The following EXOC4 variants were observed in gnomAD, a reference collection of about 807,000 sequenced individuals.
The protein encoded by EXOC4 is SEC8-like 1.
A neutral mutation model predicts 107.2 loss-of-function variants in EXOC4; 71 were observed. That is an observed-to-expected ratio of 0.66 (90% confidence interval 0.55 to 0.81). The LOEUF is 0.81. Ranked by LOEUF, EXOC4 falls within the 30% of genes least tolerant of loss-of-function variation. The pLI is 0.00. For missense variants in EXOC4, 1,108 were observed against 1,189.6 expected, an observed-to-expected ratio of 0.93 and a Z score of 1.01; for synonymous variants, 456 against 441.2, an observed-to-expected ratio of 1.03 and a Z score of -0.42.
At chr7:133,705,996 A>G (rs1469786057) in intron 10 of EXOC4, among the ~76,000 whole-genome samples, 1 of 152,244 alleles carries the variant, frequency 6.6e-6, no homozygotes, top group African/African-American at 2.4e-5. Flanking sequence ...CTTCGTTTCT[A>G]CTAGAAGCAG....
intron 14 of EXOC4, among the ~76,000 whole-genome samples, chr7:133,978,702 G>T (rs1484912873): frequency 9.9e-5 from 15 of 152,236 alleles, no homozygotes; most frequent in Non-Finnish European, 2.1e-4. Context: ...CCTTCCTGCT[G>T]CGAGGAAGCA....
intron 10 of EXOC4, among the ~76,000 whole-genome samples, chr7:133,798,851 T>C (rs1365761840): frequency 1.3e-5 from 2 of 151,982 alleles, no homozygotes; most frequent in East Asian, 3.9e-4. Context: ...AAAATATAGT[T>C]GGGGAGAGAT....
In EXOC4 at chr7:133,482,685, A is replaced by G. The variant is rs1799184664; in HGVS notation, c.1417+2547A>G. 3.9e-5 allele frequency among the ~76,000 whole-genome samples: 6 copies of G among 152,154 alleles called. No homozygotes were observed. In the South Asian group the frequency reaches 1.2e-3, roughly 32 times the overall value. On this transcript the variant is annotated intron_variant, in intron 9 of 17. Transcript: ENST00000253861. ...TCTTTTTCCTTTTCTCTAAATGGGA[A>G]TAAAAGTAACACTCCCTACTCCATG...
chr7:133,520,909 T>C (rs6977732), intron 9 of EXOC4, among the ~76,000 whole-genome samples: 151,424 of 152,276 alleles, frequency 0.99, 75,299 homozygotes, highest in Middle Eastern at 1. Flanking sequence ...AGGATGCTTT[T>C]AGATAGCACC....
At chr7:133,324,574 A>G (rs907871119) in intron 5 of EXOC4, among the ~76,000 whole-genome samples, 1 of 152,100 alleles carries the variant, frequency 6.6e-6, no homozygotes, top group African/African-American at 2.4e-5. Context: ...TGTCTGAGAG[A>G]CAGTTTGTTG....
At chr7:133,365,572 C>A (rs1796232683) in intron 6 of EXOC4, among the ~76,000 whole-genome samples, 1 of 152,132 alleles carries the variant, frequency 6.6e-6, no homozygotes, top group Non-Finnish European at 1.5e-5. Flanking sequence ...GTGTTTCATT[C>A]TATATTACTA....
At chr7:133,793,198 A>G (rs1399108392) in intron 10 of EXOC4, among the ~76,000 whole-genome samples, 6 of 152,206 alleles carry the variant, frequency 3.9e-5, no homozygotes, top group African/African-American at 7.2e-5. Flanking sequence ...AACTCCTTTT[A>G]TCTTCATCAA....
chr7:133,606,869 G>C (rs1219038844), intron 9 of EXOC4, among the ~76,000 whole-genome samples: 87 of 152,064 alleles, frequency 5.7e-4, no homozygotes, highest in Non-Finnish European at 2.9e-5. Flanking sequence ...TGTGATAGGT[G>C]TCTTCCTTGT....
chr7:133,835,808 A>C (rs2151243222), intron 11 of EXOC4, among the ~76,000 whole-genome samples: 1 of 152,336 alleles, frequency 6.6e-6, no homozygotes, highest in Admixed American at 6.5e-5. Context: ...ATTTTATAGA[A>C]ATCATCATAA....
chr7:134,098,164 G>A, the EXOC4 span, among the ~76,000 whole-genome samples: 1 of 152,150 alleles, frequency 6.6e-6, no homozygotes, highest in Non-Finnish European at 1.5e-5. Flanking sequence ...TGGATGTCGG[G>A]CAGCTGAAGG....
At chr7:133,268,530 A>G (rs1019989144) in intron 1 of EXOC4, among the ~76,000 whole-genome samples, 1 of 152,164 alleles carries the variant, frequency 6.6e-6, no homozygotes, top group African/African-American at 2.4e-5. Context: ...CCATTACTCT[A>G]TTAAGACCAA....
At position 133,669,282 on chromosome 7, in the gene EXOC4, T is replaced by C. The variant is rs188908720; in HGVS notation, c.1514+39141T>C. Among the ~76,000 whole-genome samples the C allele has an allele frequency of 1.3e-4, 20 of 151,962 alleles. No homozygotes were observed. The East Asian group carries it at 3.5e-3, about 27-fold the overall frequency. On this transcript the variant is annotated intron_variant, in intron 10 of 17. Transcript: ENST00000253861. ...GCCGCGGGATGTAAGGAAAAGGAGC[T>C]CCTATGGCCTGGCTGGAGTGTGCAG...
Position 133,652,730 on chromosome 7 carries a change from C to T in EXOC4, c.1514+22589C>T, listed in dbSNP as rs1014871522. 4.6e-5 allele frequency among the ~76,000 whole-genome samples: 7 copies of T among 152,210 alleles called. 1 individual carries two copies. Among genetic ancestry groups the T allele is most frequent in the Admixed American group, 2.6e-4 (4 of 15,280 alleles). On this transcript the variant is annotated intron_variant, in intron 10 of 17. Coordinates refer to ENST00000253861, the MANE Select transcript of EXOC4 (RefSeq NM_021807.4). ...CCCCCTTGGCCTTTCCGCCTCCGAG[C>T]AAGCAGCTGTTTTTGCTGTTTTAAT... is the stretch of plus-strand genomic sequence containing the variant.
intron 10 of EXOC4, among the ~76,000 whole-genome samples, chr7:133,754,390 A>C (rs1043521780): frequency 6.6e-6 from 1 of 152,236 alleles, no homozygotes; most frequent in African/African-American, 2.4e-5. Flanking sequence ...AATGCCTCTC[A>C]AGAGCTCAAA....
At chr7:133,613,995 A>G (rs2150999452) in intron 9 of EXOC4, among the ~76,000 whole-genome samples, 1 of 152,288 alleles carries the variant, frequency 6.6e-6, no homozygotes, top group Admixed American at 6.5e-5. Flanking sequence ...TTTAGAAAGA[A>G]GTTTGGCCTA....
intron 7 of EXOC4, among the ~76,000 whole-genome samples, chr7:133,378,719 G>C (rs1306571972): frequency 6.6e-6 from 1 of 152,024 alleles, no homozygotes; most frequent in Non-Finnish European, 1.5e-5. Context: ...TAGCTGAGAA[G>C]CCAGTTGAGG....
At chr7:134,035,720 C>T (rs775897602) in intron 17 of EXOC4, among the ~76,000 whole-genome samples, 1 of 152,098 alleles carries the variant, frequency 6.6e-6, no homozygotes, top group Non-Finnish European at 1.5e-5. Context: ...GAAGAACCCA[C>T]GTTCTTGCCA....
chr7:133,852,804 T>G (rs763402006), intron 11 of EXOC4, among the ~76,000 whole-genome samples: 16 of 152,198 alleles, frequency 1.1e-4, no homozygotes, highest in Non-Finnish European at 1.5e-4. Context: ...TAAAAAACAT[T>G]TTTTTCTAAG....
chr7:133,334,933 G>A (rs369048772), intron 5 of EXOC4, among the ~76,000 whole-genome samples: 2 of 152,160 alleles, frequency 1.3e-5, no homozygotes, highest in African/African-American at 4.8e-5. Flanking sequence ...TAGTATTCAT[G>A]TTGTATATGT....
Sources: allele counts gnomAD v4.1 joint callset (sites outside exome capture counted in the v4.1 genomes callset), GRCh38; gene constraint gnomAD v4.1.1; transcripts MANE v1.5; gene names NCBI Gene and HGNC (gene_info 2026-07-23, HGNC 2026-07-21).